Variants in SNTG1 observed in about 807,000 individuals in gnomAD.
SNTG1 encodes the protein gamma-1-syntrophin.
Under a neutral mutation model 74.7 loss-of-function variants are expected in SNTG1, and 39 were observed. The observed-to-expected ratio is 0.52, with a 90% confidence interval of 0.40 to 0.68. The LOEUF (loss-of-function observed/expected upper bound fraction) is 0.68. Ranked by LOEUF, SNTG1 falls within the 30% of genes least tolerant of loss-of-function variation. The probability of loss-of-function intolerance (pLI) is 0.00; values close to 1 mark genes in which losing one functional copy is unlikely to be tolerated. For missense variants in SNTG1, 685 were observed against 609.5 expected, an observed-to-expected ratio of 1.12 and a Z score of -1.30; for synonymous variants, 254 against 217.1, an observed-to-expected ratio of 1.17 and a Z score of -1.49.
chr8:49,983,247 A>G (rs1812846136), intron 1 of SNTG1, among the ~76,000 whole-genome samples: 1 of 152,260 alleles, frequency 6.6e-6, no homozygotes, highest in Non-Finnish European at 1.5e-5. Flanking sequence ...GAACTTTCTG[A>G]TTAATCATTG....
At chr8:50,724,807 A>C (rs1277343996) in intron 17 of SNTG1, among the ~76,000 whole-genome samples, 2 of 152,206 alleles carry the variant, frequency 1.3e-5, no homozygotes, top group Non-Finnish European at 2.9e-5. Context: ...AGTAAATAAC[A>C]TAACCAATGT....
chr8:50,754,211 T>G (rs1431242513), intron 18 of SNTG1, among the ~76,000 whole-genome samples: 1 of 151,946 alleles, frequency 6.6e-6, no homozygotes, highest in African/African-American at 2.4e-5. Flanking sequence ...TGCCTAGAAG[T>G]GCAAATTGCA....
rs190239713 is a variant in SNTG1, at chr8:50,152,210, C to T, written c.-102-20351C>T. ...TTTGTTGGTTTAAAGTCTGTTTTATCAGAGACTGGGATTGCAAACCCCTGC... is the reference window on the plus strand; with the variant it reads ...TTTGTTGGTTTAAAGTCTGTTTTATTAGAGACTGGGATTGCAAACCCCTGC... On this transcript the variant is annotated intron_variant, in intron 1 of 18. Coordinates refer to ENST00000642720, the MANE Select transcript of SNTG1 (RefSeq NM_018967.5). 6.3e-3 allele frequency among the ~76,000 whole-genome samples: 960 copies of T among 152,246 alleles called. 31 individuals are homozygous for T. The highest frequency in any genetic ancestry group is 0.056 in the Admixed American group (854 of 15,292).
At chr8:50,236,809 T>A (rs1320817397) in intron 2 of SNTG1, among the ~76,000 whole-genome samples, 1 of 152,078 alleles carries the variant, frequency 6.6e-6, no homozygotes, top group East Asian at 1.9e-4. Flanking sequence ...TGAACTGAAA[T>A]GTAGACATTA....
intron 8 of SNTG1, among the ~76,000 whole-genome samples, chr8:50,461,194 TG>T (rs2093558828): frequency 6.7e-6 from 1 of 149,058 alleles, no homozygotes; most frequent in African/African-American, 2.6e-5. Flanking sequence ...TGTGTGTGTG[TG>T]TGTGTGTGTG....
chr8:50,384,887 G>T (rs2092549778), intron 2 of SNTG1, among the ~76,000 whole-genome samples: 1 of 152,072 alleles, frequency 6.6e-6, no homozygotes, highest in Admixed American at 6.5e-5. Context: ...TAATTTTATG[G>T]CTTGGTCTAT....
chr8:50,343,260 A>G (rs2091373198), intron 2 of SNTG1, among the ~76,000 whole-genome samples: 1 of 152,226 alleles, frequency 6.6e-6, no homozygotes, highest in African/African-American at 2.4e-5. Flanking sequence ...GCATTGATTC[A>G]ATAGATTACA....
intron 2 of SNTG1, among the ~76,000 whole-genome samples, chr8:50,321,725 C>A (rs1429926411): frequency 1.6e-5 from 2 of 124,942 alleles, no homozygotes; most frequent in Non-Finnish European, 3.6e-5. Flanking sequence ...ATGAGGCTTG[C>A]AAATAATATC....
intron 18 of SNTG1, among the ~76,000 whole-genome samples, chr8:50,776,464 C>T (rs926822060): frequency 1.4e-5 from 2 of 146,550 alleles, no homozygotes; most frequent in African/African-American, 2.5e-5. Flanking sequence ...TTAACATATA[C>T]TTATGTACTA....
chr8:50,752,846 A>G (rs914368998), intron 18 of SNTG1, among the ~76,000 whole-genome samples: 5 of 151,932 alleles, frequency 3.3e-5, no homozygotes, highest in Non-Finnish European at 7.4e-5. Context: ...CCTTCTTTTA[A>G]CAAGGTGACT....
intron 1 of SNTG1, among the ~76,000 whole-genome samples, chr8:50,024,114 A>G (rs1000555271): frequency 1.5e-4 from 23 of 152,190 alleles, no homozygotes; most frequent in African/African-American, 5.3e-4. Flanking sequence ...GAGGGATCAT[A>G]CACAGAGAAC....
intron 2 of SNTG1, among the ~76,000 whole-genome samples, chr8:50,329,162 C>T (rs2090864441): frequency 6.6e-6 from 1 of 152,168 alleles, no homozygotes; most frequent in Non-Finnish European, 1.5e-5. Flanking sequence ...GTTCAACCTC[C>T]CCGATACCCT....
intron 1 of SNTG1, among the ~76,000 whole-genome samples, chr8:50,147,231 C>T (rs1024983521): frequency 6.6e-6 from 1 of 151,904 alleles, no homozygotes; most frequent in Non-Finnish European, 1.5e-5. Flanking sequence ...GAAAAATCAA[C>T]CAGGACATCA....
intron 1 of SNTG1, among the ~76,000 whole-genome samples, chr8:50,134,892 A>T (rs2081423292): frequency 6.6e-6 from 1 of 152,162 alleles, no homozygotes; most frequent in Non-Finnish European, 1.5e-5. Flanking sequence ...TCCAGTGGTT[A>T]TAAAGTAATT....
chr8:50,356,761 T>A (rs2091827524), intron 2 of SNTG1, among the ~76,000 whole-genome samples: 3 of 152,198 alleles, frequency 2.0e-5, no homozygotes, highest in South Asian at 2.1e-4. Flanking sequence ...ATATGGGCCA[T>A]TCAGTTTCAA....
chr8:50,145,022 G>A (rs567069390), intron 1 of SNTG1, among the ~76,000 whole-genome samples: 2 of 152,160 alleles, frequency 1.3e-5, no homozygotes, highest in East Asian at 3.9e-4. Flanking sequence ...AGATGAGAAG[G>A]AACACCAAAT....
intron 1 of SNTG1, among the ~76,000 whole-genome samples, chr8:49,934,677 G>A (rs950488075): frequency 6.6e-6 from 1 of 152,086 alleles, no homozygotes; most frequent in Non-Finnish European, 1.5e-5. Context: ...TGATTATGTC[G>A]ACAAGTCCTA....
intron 11 of SNTG1, among the ~76,000 whole-genome samples, chr8:50,545,290 C>G (rs922995527): frequency 6.6e-6 from 1 of 150,562 alleles, no homozygotes; most frequent in Admixed American, 6.6e-5. Flanking sequence ...ATGTAATGAC[C>G]CTGATTCAGA....
At chr8:49,972,290 T>G (rs1020823428) in intron 1 of SNTG1, among the ~76,000 whole-genome samples, 4 of 152,258 alleles carry the variant, frequency 2.6e-5, no homozygotes, top group South Asian at 2.1e-4. Context: ...TAATAAATGG[T>G]GCTGGGAAAA....
Sources: gnomAD v4.1 joint callset for allele counts (sites outside exome capture counted in the v4.1 genomes callset) on GRCh38, gnomAD v4.1.1 for gene constraint, MANE v1.5 for transcripts, NCBI Gene and HGNC (gene_info 2026-07-23, HGNC 2026-07-21) for gene names.